The following ERN1 variants were observed in gnomAD, a reference collection of about 807,000 sequenced individuals.
ERN1 encodes endoplasmic reticulum to nucleus signaling 1.
ERN1 carries 39 observed loss-of-function variants against 113.1 expected under a neutral mutation model. The observed-to-expected ratio is 0.34, with a 90% confidence interval of 0.27 to 0.45. The LOEUF is 0.45. Ranked by LOEUF, ERN1 falls within the 20% of genes least tolerant of loss-of-function variation. The pLI is 1.00. For synonymous variants in ERN1, 507 were observed against 515.9 expected, an observed-to-expected ratio of 0.98 and a Z score of 0.23; for missense variants, 976 against 1,274.8, an observed-to-expected ratio of 0.77 and a Z score of 3.57.
At chr17:64,086,637 CTTTTTTTT>C (rs773655917) in intron 2 of ERN1, among the ~76,000 whole-genome samples, 301 of 47,568 alleles carry the variant, frequency 6.3e-3, no homozygotes, top group African/African-American at 0.024. Context: ...CTTTTCTTTC[CTTTTTTTT>C]TTTTTTTTTT....
intron 1 of ERN1, among the ~76,000 whole-genome samples, chr17:64,116,422 G>A (rs1914803783): frequency 6.6e-6 from 1 of 152,032 alleles, no homozygotes; most frequent in Non-Finnish European, 1.5e-5. Flanking sequence ...ACATATAAAG[G>A]AAACCGTTTT....
Position 64,115,747 on chromosome 17 carries a change from G to A in ERN1, c.54+14229C>T, listed in dbSNP as rs565016772. Among the ~76,000 whole-genome samples the A allele has an allele frequency of 3.3e-5, 5 of 152,256 alleles. No homozygotes were observed. In the South Asian group the frequency reaches 1.0e-3, roughly 32 times the overall value. ...AATGAAGCTGACAGAAGATGAGGTGGGCACACAGATGCATGGTCTGGTTTG... is the reference window on the plus strand; with the variant it reads ...AATGAAGCTGACAGAAGATGAGGTGAGCACACAGATGCATGGTCTGGTTTG... On this transcript the variant is annotated intron_variant, in intron 1 of 21. Transcript: ENST00000433197.
At chr17:64,094,001 C>T (rs751077068) in intron 2 of ERN1, among the ~76,000 whole-genome samples, 3 of 152,190 alleles carry the variant, frequency 2.0e-5, no homozygotes, top group Admixed American at 6.5e-5. Context: ...GGGATGCTAG[C>T]GGTCCTGTAC....
At chr17:64,120,174 G>A (rs1412378600) in intron 1 of ERN1, among the ~76,000 whole-genome samples, 5 of 152,144 alleles carry the variant, frequency 3.3e-5, no homozygotes, top group African/African-American at 1.2e-4. Context: ...CCAGGTGACT[G>A]AGTCATGGCT....
intron 1 of ERN1, 50 bp from the exon 2 acceptor site, chr17:64,098,291 G>A (rs867173654): frequency 6.2e-7 from 1 of 1,611,294 alleles, no homozygotes; most frequent in East Asian, 2.2e-5. Context: ...TCTTCACCTT[G>A]GGCATGTACA....
At chr17:64,060,800 C>T (rs552990677) in intron 10 of ERN1, among the ~76,000 whole-genome samples, 1 of 152,324 alleles carries the variant, frequency 6.6e-6, no homozygotes, top group East Asian at 1.9e-4. Flanking sequence ...TATTCCAAGT[C>T]TCCTACTGAG....
chr17:64,117,987 T>C (rs1914856150), intron 1 of ERN1, among the ~76,000 whole-genome samples: 1 of 152,154 alleles, frequency 6.6e-6, no homozygotes, highest in Non-Finnish European at 1.5e-5. Context: ...AAAAAGTTGA[T>C]AAATAAATGG....
Position 64,086,987 on chromosome 17 carries a change from C to A in ERN1, c.176-6179G>T, listed in dbSNP as rs143987605. On this transcript the variant is annotated intron_variant, in intron 2 of 21. Transcript: ENST00000433197. ...GGGACTGGCTGCATCATATTGTTTA[C>A]CTCTGACAAAAAATTGACAAACAGT... is the stretch of plus-strand genomic sequence containing the variant. 4.0e-3 allele frequency among the ~76,000 whole-genome samples: 612 copies of A among 152,136 alleles called. 1 individual carries two copies. Among genetic ancestry groups the A allele is most frequent in the Non-Finnish European group, 6.6e-3 (450 of 67,984 alleles).
chr17:64,112,614 G>T (rs778842937), intron 1 of ERN1, among the ~76,000 whole-genome samples: 1 of 152,114 alleles, frequency 6.6e-6, no homozygotes, highest in Non-Finnish European at 1.5e-5. Context: ...TTACCTCTCT[G>T]TGCCTTCAGT....
chr17:64,077,619 C>A (rs961396118), intron 4 of ERN1, among the ~76,000 whole-genome samples: 3 of 152,114 alleles, frequency 2.0e-5, no homozygotes, highest in African/African-American at 7.2e-5. Flanking sequence ...TCCTCATCAC[C>A]GTGCATGCCG....
chr17:64,066,776 G>A lies in ERN1; in HGVS notation c.737C>T (p.Ala246Val). 1 of 1,613,892 alleles carries A rather than the reference G, an allele frequency of 6.2e-7. No homozygotes were observed. Among genetic ancestry groups the A allele is most frequent in the Non-Finnish European group, 8.5e-7 (1 of 1,179,870 alleles). ...GGTCAGATAGCGCAGGGTCTCCACA[G>A]CGACATTGATGTGCATCACCTTCCT... ...GLRKVMHINV[A>V]VETLRYLTFM... is the part of the protein sequence containing the mutation. Residue 246 changes from alanine (A) to valine (V), a missense_variant, in exon 8 of 22, where the codon GCT becomes GTT. Physicochemically the swap from Ala to Val is moderately conservative, Grantham distance 64 (BLOSUM62 0). This residue lies in a region of ERN1 where 459 missense variants were observed against 581.2 expected (regional missense o/e 0.79). Transcript: ENST00000433197.
At position 64,064,517 on chromosome 17, in the gene ERN1, C is replaced by T. The variant is rs562582287; in HGVS notation, c.922-366G>A. Among the ~76,000 whole-genome samples, 37 of 152,330 alleles carry T rather than the reference C, an allele frequency of 2.4e-4. No homozygotes were observed. In the South Asian group the frequency reaches 6.2e-3, roughly 26 times the overall value. On this transcript the variant is annotated intron_variant, in intron 9 of 21. Transcript: ENST00000433197. ...GGGCGGAATAAAGTCCAGCCACACG[C>T]CCAGTGCTGGCTCAGGTGCTGCTGG... is the stretch of plus-strand genomic sequence containing the variant.
At chr17:64,114,639 G>A (rs535890103) in intron 1 of ERN1, among the ~76,000 whole-genome samples, 1 of 152,208 alleles carries the variant, frequency 6.6e-6, no homozygotes, top group South Asian at 2.1e-4. Flanking sequence ...TTTTTTACGT[G>A]TCTTATTTGT....
chr17:64,094,163 C>T (rs1032604847), intron 2 of ERN1, among the ~76,000 whole-genome samples: 10 of 152,188 alleles, frequency 6.6e-5, no homozygotes, highest in Non-Finnish European at 1.2e-4. Context: ...TTTCTTGGAA[C>T]GTAACTACTG....
intron 1 of ERN1, among the ~76,000 whole-genome samples, chr17:64,116,795 T>C (rs1170722085): frequency 5.3e-5 from 8 of 152,114 alleles, no homozygotes; most frequent in Admixed American, 5.2e-4. Flanking sequence ...TAATGTCTTA[T>C]CATGTTATCC....
intron 1 of ERN1, among the ~76,000 whole-genome samples, chr17:64,123,588 T>C (rs1915004747): frequency 6.6e-6 from 1 of 152,170 alleles, no homozygotes; most frequent in Non-Finnish European, 1.5e-5. Context: ...GTTTTGTTTT[T>C]AAAACACTCA....
intron 11 of ERN1, 36 bp downstream of exon 11, chr17:64,060,433 C>A: frequency 7.2e-7 from 1 of 1,392,152 alleles, no homozygotes; most frequent in Non-Finnish European, 1.0e-6. Context: ...CAACACCTAA[C>A]ACCAACAACC....
intron 6 of ERN1, among the ~76,000 whole-genome samples, chr17:64,069,279 C>T (rs1343841279): frequency 6.6e-6 from 1 of 152,048 alleles, no homozygotes; most frequent in Admixed American, 6.6e-5. Context: ...TGGCTTTTAT[C>T]TAATGGAATA....
At chr17:64,058,295 C>CA (rs1717843873) in intron 11 of ERN1, among the ~76,000 whole-genome samples, 1 of 152,140 alleles carries the variant, frequency 6.6e-6, no homozygotes, top group Admixed American at 6.5e-5. Flanking sequence ...CTCAAAAAGG[C>CA]AAACACTTCC....
Sources: gnomAD v4.1 joint callset for allele counts (sites outside exome capture counted in the v4.1 genomes callset) on GRCh38, gnomAD v4.1.1 for gene constraint, gnomAD v4.1.1 regional missense constraint, MANE v1.5 for transcripts, NCBI Gene and HGNC (gene_info 2026-07-23, HGNC 2026-07-21) for gene names.